Variants in CEP128 observed in about 807,000 individuals in gnomAD.
CEP128 encodes centrosomal protein 128, also known as centrosomal protein 128kDa.
In CEP128, 132 loss-of-function variants were observed where a neutral mutation model predicts 156.7. The observed-to-expected ratio is 0.84, with a 90% CI of 0.73 to 0.97. CEP128 has a LOEUF of 0.97. Among genes scored for constraint, CEP128 ranks in the 50% least tolerant of loss-of-function variants. The probability of loss-of-function intolerance (pLI) is 0.00; values close to 1 mark genes in which losing one functional copy is unlikely to be tolerated. For synonymous variants in CEP128, 469 were observed against 448.9 expected (o/e 1.04, Z -0.57); for missense variants, 1,252 against 1,281.9 (o/e 0.98, Z 0.36).
chr14:80,719,831 CTG>C (rs1487252914), intron 19 of CEP128, among the ~76,000 whole-genome samples: 1 of 152,174 alleles, frequency 6.6e-6, no homozygotes, highest in African/African-American at 2.4e-5. Context: ...CACATAGTAA[CTG>C]TGCACCACCG....
intron 19 of CEP128, among the ~76,000 whole-genome samples, chr14:80,638,933 A>G (rs1023550994): frequency 6.6e-6 from 1 of 152,186 alleles, no homozygotes; most frequent in Admixed American, 6.5e-5. Context: ...TAAAAAAAGA[A>G]GTCTTTTTCT....
At position 80,561,670 on chromosome 14, in the gene CEP128, T is replaced by G. The variant is rs1450648773; in HGVS notation, c.2857-2368A>C. On this transcript the variant is annotated intron_variant, in intron 20 of 24. Coordinates refer to ENST00000555265, the MANE Select transcript of CEP128 (RefSeq NM_152446.5). ...CGTATTTTAAAAGCATACCTAGAACTGACTTGAAATAGGCGATTTCATATA... is the reference window on the plus strand; with the variant it reads ...CGTATTTTAAAAGCATACCTAGAACGGACTTGAAATAGGCGATTTCATATA... Among the ~76,000 whole-genome samples, 5 of 152,160 alleles carry G rather than the reference T, an allele frequency of 3.3e-5. No individual in the cohort carries two copies. In the East Asian group the frequency reaches 9.6e-4, roughly 29 times the overall value.
intron 19 of CEP128, among the ~76,000 whole-genome samples, chr14:80,735,880 C>A (rs887420871): frequency 3.3e-5 from 5 of 152,244 alleles, no homozygotes; most frequent in Admixed American, 3.3e-4. Context: ...CATATTGAAT[C>A]CTACTCTGCT....
chr14:80,790,303 T>A (rs1219629201), intron 14 of CEP128, among the ~76,000 whole-genome samples: 1 of 151,262 alleles, frequency 6.6e-6, no homozygotes, highest in Non-Finnish European at 1.5e-5. Flanking sequence ...TGAAAAAAAA[T>A]GGAAACATTC....
intron 8 of CEP128, among the ~76,000 whole-genome samples, chr14:80,872,576 G>A (rs532851553): frequency 6.6e-6 from 1 of 152,176 alleles, no homozygotes. Context: ...AGTGAAATTG[G>A]CAAGAAATAG....
intron 19 of CEP128, among the ~76,000 whole-genome samples, chr14:80,653,491 G>A (rs993293072): frequency 7.2e-5 from 11 of 152,126 alleles, no homozygotes; most frequent in Admixed American, 7.2e-4. Flanking sequence ...TGATAAGGGT[G>A]GCTACACTAA....
chr14:80,792,459 A>G (rs547683563), intron 14 of CEP128, among the ~76,000 whole-genome samples: 2 of 152,312 alleles, frequency 1.3e-5, no homozygotes, highest in South Asian at 4.1e-4. Context: ...TTTCCATTGG[A>G]ATATTAGAAG....
At chr14:80,875,763 G>T (rs977377957) in intron 8 of CEP128, among the ~76,000 whole-genome samples, 13 of 152,116 alleles carry the variant, frequency 8.5e-5, no homozygotes, top group African/African-American at 3.1e-4. Flanking sequence ...ATACTTTCAG[G>T]TATATGCACA....
At position 80,590,918 on chromosome 14, in the gene CEP128, CT is replaced by C. The variant is rs1892030912; in HGVS notation, c.2807-10496del. On this transcript the variant is annotated intron_variant, in intron 19 of 24. Transcript: ENST00000555265. ...TATCCAGCCAAACTAAGCTTCATAA[CT>C]GAAGGAGAAATAAAATCCTTTACAG... Among the ~76,000 whole-genome samples the C allele has an allele frequency of 5.3e-5, 8 of 150,034 alleles. 1 individual carries two copies. In the South Asian group the frequency reaches 1.7e-3, roughly 32 times the overall value.
At chr14:80,599,242 C>T (rs1044412652) in intron 19 of CEP128, among the ~76,000 whole-genome samples, 3 of 147,944 alleles carry the variant, frequency 2.0e-5, no homozygotes, top group Admixed American at 2.0e-4. Flanking sequence ...TTCACTGCAT[C>T]TACCCTAGTA....
Position 80,510,497 on chromosome 14 carries a change from T to C in CEP128, c.3073-5477A>G, listed in dbSNP as rs1456913547. On this transcript the variant is annotated intron_variant, in intron 23 of 24. Coordinates refer to ENST00000555265, the MANE Select transcript of CEP128 (RefSeq NM_152446.5). The stretch of plus-strand genomic sequence containing the variant: ...CCTTCAAATTTACTGAATTGGTTTA[T>C]CAGTTCTAATAGCTTCTCAGTACCA... Among the ~76,000 whole-genome samples the C allele has an allele frequency of 2.6e-5, 4 of 152,120 alleles. No homozygotes were observed. The South Asian group carries it at 8.3e-4, about 31-fold the overall frequency.
At chr14:80,539,627 C>A (rs1450582933) in intron 21 of CEP128, among the ~76,000 whole-genome samples, 1 of 152,084 alleles carries the variant, frequency 6.6e-6, no homozygotes, top group African/African-American at 2.4e-5. Flanking sequence ...AATCAGTGCA[C>A]CTTGAAAAAG....
intron 19 of CEP128, among the ~76,000 whole-genome samples, chr14:80,710,264 T>A (rs939574028): frequency 6.6e-6 from 1 of 152,110 alleles, no homozygotes; most frequent in East Asian, 1.9e-4. Flanking sequence ...TGTTACTAGA[T>A]AAGAGATCTT....
chr14:80,713,095 A>G (rs1897472576), intron 19 of CEP128, among the ~76,000 whole-genome samples: 1 of 152,196 alleles, frequency 6.6e-6, no homozygotes, highest in African/African-American at 2.4e-5. Context: ...ACAATAAAAT[A>G]GTTATCAAGA....
At chr14:80,555,344 T>C (rs567773254) in intron 21 of CEP128, among the ~76,000 whole-genome samples, 2 of 152,250 alleles carry the variant, frequency 1.3e-5, no homozygotes, top group African/African-American at 4.8e-5. Flanking sequence ...TGCAGACAAC[T>C]GATAACAAAA....
At chr14:80,516,673 T>G (rs547978664) in intron 23 of CEP128, among the ~76,000 whole-genome samples, 4 of 152,284 alleles carry the variant, frequency 2.6e-5, no homozygotes, top group Admixed American at 2.6e-4. Flanking sequence ...GCTCCCTCCA[T>G]GGGCATGACT....
intron 13 of CEP128, among the ~76,000 whole-genome samples, chr14:80,814,180 T>C (rs1884716981): frequency 6.6e-6 from 1 of 152,220 alleles, no homozygotes; most frequent in East Asian, 1.9e-4. Flanking sequence ...TACCTGGGGT[T>C]CTTAGAGCTT....
At chr14:80,516,938 T>C (rs968973713) in intron 23 of CEP128, among the ~76,000 whole-genome samples, 1 of 152,204 alleles carries the variant, frequency 6.6e-6, no homozygotes, top group South Asian at 2.1e-4. Context: ...GTTTGATTCA[T>C]ATAGGAGTGC....
intron 14 of CEP128, among the ~76,000 whole-genome samples, chr14:80,481,263 CA>C (rs1264865236): frequency 1.3e-5 from 2 of 152,124 alleles, no homozygotes; most frequent in African/African-American, 4.8e-5. Context: ...TCTTACATGG[CA>C]GCAGCAAGAG....
Sources: allele counts gnomAD v4.1 joint callset (sites outside exome capture counted in the v4.1 genomes callset), GRCh38; gene constraint gnomAD v4.1.1; transcripts MANE v1.5; gene names NCBI Gene and HGNC (gene_info 2026-07-23, HGNC 2026-07-21).